LMO4: variants seen among roughly 807,000 people sequenced by gnomAD.
LMO4 encodes the protein LIM domain transcription factor LMO4.
A neutral mutation model predicts 18.5 loss-of-function variants in LMO4; 3 were observed. That is an observed-to-expected ratio of 0.16 (90% CI 0.07 to 0.42). LMO4 has a LOEUF of 0.42. LMO4 is among the 10% of genes least tolerant of loss of function. The probability of loss-of-function intolerance (pLI) is 0.99; values close to 1 mark genes in which losing one functional copy is unlikely to be tolerated. For missense variants in LMO4, 121 were observed against 219.9 expected (o/e 0.55, Z 2.84); for synonymous variants, 100 against 88.1 (o/e 1.14, Z -0.76).
At chr1:87,335,551 A>AG (rs1273701032) in intron 2 of LMO4, among the ~76,000 whole-genome samples, 1 of 151,730 alleles carries the variant, frequency 6.6e-6, no homozygotes, top group Admixed American at 6.6e-5. Context: ...CCGCAGCCGC[A>AG]GTGAGCCCGG....
rs1444518008 is a variant in LMO4 at position 87,348,356 on chromosome 1, T to TA, written c.*3562dup. 2 of 228,474 alleles carry TA rather than the reference T, an allele frequency of 8.8e-6. No homozygotes were observed. Among genetic ancestry groups the TA allele is most frequent in the African/African-American group, 4.5e-5 (2 of 44,730 alleles). 14.2% of individuals were successfully genotyped at this position (228,474 alleles called of 1,614,324 possible). ...CATTGGAAAAAGGCCATTTACAAGT[T>TA]AATGTTACTTATAGCTTTGTTACTA... On this transcript the variant is annotated 3_prime_UTR_variant, in exon 5 of 5. Coordinates refer to ENST00000370544, the MANE Select transcript of LMO4 (RefSeq NM_006769.4).
At chr1:87,329,999 GCTTT>G (rs1650087766) in intron 1 of LMO4, among the ~76,000 whole-genome samples, 1 of 146,214 alleles carries the variant, frequency 6.8e-6, no homozygotes, top group Non-Finnish European at 1.5e-5. Flanking sequence ...TAACTTAAAA[GCTTT>G]CTTTTTTTTT....
Position 87,340,357 on chromosome 1 carries a change from G to A in LMO4, c.489+155G>A, listed in dbSNP as rs148351551. ...GTTGTACATAGAGTGTTCAGAAGTA[G>A]GATAGCTGATTAAATTGTGAATCCT... On this transcript the variant is annotated intron_variant, in intron 4 of 4. Transcript: ENST00000370544. 5.2e-3 allele frequency among the ~76,000 whole-genome samples: 788 copies of A among 152,212 alleles called. 7 individuals are homozygous for A. Among genetic ancestry groups the A allele is most frequent in the Non-Finnish European group, 7.4e-3 (504 of 68,032 alleles).
chr1:87,329,942 A>G (rs1029591999), intron 1 of LMO4, among the ~76,000 whole-genome samples: 1 of 151,790 alleles, frequency 6.6e-6, no homozygotes, highest in Non-Finnish European at 1.5e-5. Context: ...TGACTATCCC[A>G]GGACCTAAAT....
intron 4 of LMO4, among the ~76,000 whole-genome samples, chr1:87,342,211 C>G (rs1394683823): frequency 6.6e-6 from 1 of 152,154 alleles, no homozygotes; most frequent in African/African-American, 2.4e-5. Flanking sequence ...GAAAATGTTG[C>G]TAGATTGTGA....
rs1001571685 is a variant in LMO4 at position 87,331,963 on chromosome 1, A to T, written c.-3-50A>T. The T allele has an allele frequency of 4.1e-6, 6 of 1,450,654 alleles. No individual in the cohort carries two copies. In the African/African-American group the frequency reaches 8.3e-5, roughly 20 times the overall value. 89.9% of individuals were successfully genotyped at this position (1,450,654 alleles called of 1,614,324 possible). On this transcript the variant is annotated intron_variant, in intron 1 of 4. Coordinates refer to ENST00000370544, the MANE Select transcript of LMO4 (RefSeq NM_006769.4). The stretch of plus-strand genomic sequence containing the variant: ...CTCTCCGGCGATTACTAACTTTTGC[A>T]TCGCCCCTGTTTTGTCTTTCTCTCC...
In LMO4 at chr1:87,339,426, C is replaced by A. The variant is rs1373591383; in HGVS notation, c.237-110C>A. ...AATCTGAGGCTTGAGCCTAAGAATTCAGCCTGTCAAATGCATTCCAAAGGG... is the reference window on the plus strand; with the variant it reads ...AATCTGAGGCTTGAGCCTAAGAATTAAGCCTGTCAAATGCATTCCAAAGGG... On this transcript the variant is annotated intron_variant, in intron 2 of 4. Coordinates refer to ENST00000370544, the MANE Select transcript of LMO4 (RefSeq NM_006769.4). 5.9e-6 allele frequency: 4 copies of A among 683,196 alleles called. No homozygotes were observed. In the East Asian group the frequency reaches 8.0e-5, roughly 14 times the overall value. 42.3% of individuals were successfully genotyped at this position (683,196 alleles called of 1,614,324 possible).
intron 1 of LMO4, 67 bp from the exon 2 acceptor site, chr1:87,331,946 C>A (rs2100773915): frequency 3.9e-6 from 5 of 1,290,936 alleles, no homozygotes; most frequent in South Asian, 2.5e-5. Context: ...CTCTCTCCGG[C>A]GATTACTAAC....
At chr1:87,336,981 C>CACAT (rs1256137543) in intron 2 of LMO4, among the ~76,000 whole-genome samples, 1 of 152,130 alleles carries the variant, frequency 6.6e-6, no homozygotes, top group Admixed American at 6.5e-5. Flanking sequence ...TGAAAAAACA[C>CACAT]ACACACACAC....
At chr1:87,335,885 A>AAAAC (rs1383533232) in intron 2 of LMO4, among the ~76,000 whole-genome samples, 34 of 151,894 alleles carry the variant, frequency 2.2e-4, no homozygotes, top group African/African-American at 8.0e-4. Flanking sequence ...AAAAAAAAAA[A>AAAAC]CAGGATCTCA....
In LMO4 at chr1:87,348,572, G is replaced by C. The variant is rs540158635; in HGVS notation, c.*3776G>C. 4.9e-6 allele frequency: 2 copies of C among 411,972 alleles called. No individual in the cohort carries two copies. Among genetic ancestry groups the C allele is most frequent in the African/African-American group, 4.0e-5 (2 of 49,448 alleles). 25.5% of individuals were successfully genotyped at this position (411,972 alleles called of 1,614,324 possible). ...GAGATCTGACTAGCAGCAAAGTGTA[G>C]CACATTCGCCGATGCTGGGTACCTA... On this transcript the variant is annotated 3_prime_UTR_variant, in exon 5 of 5. Coordinates refer to ENST00000370544, the MANE Select transcript of LMO4 (RefSeq NM_006769.4).
chr1:87,336,956 C>T (rs1444775336), intron 2 of LMO4, among the ~76,000 whole-genome samples: 1 of 151,654 alleles, frequency 6.6e-6, no homozygotes, highest in Non-Finnish European at 1.5e-5. Flanking sequence ...AACTCTCCAG[C>T]GCACAGAAAC....
At chr1:87,335,460 G>A (rs968510339) in intron 2 of LMO4, among the ~76,000 whole-genome samples, 2 of 151,842 alleles carry the variant, frequency 1.3e-5, no homozygotes, top group Admixed American at 6.6e-5. Context: ...GGGCCCACGA[G>A]GGGGCGAGCG....
At position 87,332,094 on chromosome 1, in the gene LMO4, G is replaced by C. The variant is rs1650173086; in HGVS notation, c.79G>C (p.Gly27Arg). 6 of 1,613,834 alleles carry C rather than the reference G, an allele frequency of 3.7e-6. No individual in the cohort carries two copies. Among genetic ancestry groups the C allele is most frequent in the Non-Finnish European group, 5.1e-6 (6 of 1,180,036 alleles). Residue 27 changes from glycine to arginine, a missense_variant, in exon 2 of 5, where the codon GGG (glycine) becomes CGG (arginine). This residue lies in a region of LMO4 where 51 missense variants were observed against 56.8 expected (regional missense o/e 0.90). Transcript: ENST00000370544. ...SLSWKRCAGCGGKIADRFLLY... is the reference protein window; with the variant it reads ...SLSWKRCAGCRGKIADRFLLY... ...CTCCTGGAAGCGGTGCGCAGGCTGCGGGGGCAAGATTGCGGACCGCTTTCT... is the reference window on the plus strand; with the variant it reads ...CTCCTGGAAGCGGTGCGCAGGCTGCCGGGGCAAGATTGCGGACCGCTTTCT...
In LMO4 at chr1:87,345,667, A is replaced by G. The variant is rs547819679; in HGVS notation, c.*871A>G. ...TTTATTGTTGTTGAATAACAAGCTC[A>G]CTTTAAATTTGAAGGAGTTGAGGGA... On this transcript the variant is annotated 3_prime_UTR_variant, in exon 5 of 5. Coordinates refer to ENST00000370544, the MANE Select transcript of LMO4 (RefSeq NM_006769.4). The G allele has an allele frequency of 2.0e-5, 3 of 152,324 alleles. No individual in the cohort carries two copies. The highest frequency in any genetic ancestry group is 7.2e-5 in the African/African-American group (3 of 41,566). The allele number at this position is 152,324 out of a possible 1,614,324, so 9.4% of individuals were successfully genotyped here.
intron 2 of LMO4, among the ~76,000 whole-genome samples, chr1:87,333,049 G>C (rs138539074): frequency 3.5e-4 from 53 of 152,232 alleles, no homozygotes; most frequent in African/African-American, 1.3e-3. Flanking sequence ...TACTAATCTT[G>C]CATTTTAAAG....
chr1:87,336,171 C>T (rs1650306445), intron 2 of LMO4, among the ~76,000 whole-genome samples: 2 of 152,194 alleles, frequency 1.3e-5, no homozygotes, highest in African/African-American at 2.4e-5. Context: ...TTCTTTGTTA[C>T]ATTTAATATA....
At chr1:87,333,597 A>G (rs1035044703) in intron 2 of LMO4, among the ~76,000 whole-genome samples, 1 of 152,210 alleles carries the variant, frequency 6.6e-6, no homozygotes, top group African/African-American at 2.4e-5. Context: ...GAGTAAAATG[A>G]CATTTAGTTA....
At chr1:87,330,575 C>T (rs1489241161) in intron 1 of LMO4, among the ~76,000 whole-genome samples, 1 of 152,150 alleles carries the variant, frequency 6.6e-6, no homozygotes, top group Non-Finnish European at 1.5e-5. Flanking sequence ...GGGACTCTTT[C>T]GGAGGAAATG....
Sources: gnomAD v4.1 joint callset for allele counts (sites outside exome capture counted in the v4.1 genomes callset) on GRCh38, gnomAD v4.1.1 for gene constraint, gnomAD v4.1.1 regional missense constraint, MANE v1.5 for transcripts, NCBI Gene and HGNC (gene_info 2026-07-23, HGNC 2026-07-21) for gene names.